Variants in CNTNAP2 observed in about 807,000 individuals in gnomAD.
The protein encoded by CNTNAP2 is contactin-associated protein-like 2.
CNTNAP2 carries 98 observed loss-of-function variants against 155.2 expected under a neutral mutation model. That is an observed-to-expected ratio of 0.63 (90% CI 0.54 to 0.75). The LOEUF (loss-of-function observed/expected upper bound fraction) is 0.75. Among genes scored for constraint, CNTNAP2 ranks in the 30% least tolerant of loss-of-function variants. The probability of loss-of-function intolerance (pLI) is 0.00; values close to 1 mark genes in which losing one functional copy is unlikely to be tolerated. For synonymous variants in CNTNAP2, 651 were observed against 631.2 expected (o/e 1.03, Z -0.47); for missense variants, 1,727 against 1,688.1 (o/e 1.02, Z -0.40).
intron 1 of CNTNAP2, among the ~76,000 whole-genome samples, chr7:146,644,913 C>G (rs549424600): frequency 6.6e-6 from 1 of 152,074 alleles, no homozygotes; most frequent in Non-Finnish European, 1.5e-5. Context: ...CAAGGAGGAA[C>G]TGGTACCATT....
At chr7:146,998,732 AATT>A (rs1369545086) in intron 3 of CNTNAP2, among the ~76,000 whole-genome samples, 2 of 151,930 alleles carry the variant, frequency 1.3e-5, no homozygotes, top group African/African-American at 4.8e-5. Flanking sequence ...ATATATTTAT[AATT>A]ATTATATCAT....
intron 23 of CNTNAP2, among the ~76,000 whole-genome samples, chr7:148,414,064 TTTTTTC>T (rs1799918205): frequency 6.7e-6 from 1 of 149,536 alleles, no homozygotes; most frequent in Non-Finnish European, 1.5e-5. Context: ...CATCCAGTAT[TTTTTTC>T]TTTTTCCATT....
At chr7:146,328,370 C>T (rs1347551056) in intron 1 of CNTNAP2, among the ~76,000 whole-genome samples, 1 of 152,026 alleles carries the variant, frequency 6.6e-6, no homozygotes, top group East Asian at 1.9e-4. Flanking sequence ...AATATCTTCT[C>T]CTTTGTTTTT....
intron 21 of CNTNAP2, among the ~76,000 whole-genome samples, chr7:148,280,642 G>A (rs1343823082): frequency 6.6e-6 from 1 of 152,126 alleles, no homozygotes; most frequent in Non-Finnish European, 1.5e-5. Flanking sequence ...TAAAAAGCCG[G>A]GCACGGTGGC....
At chr7:147,420,532 T>G (rs1797273141) in intron 10 of CNTNAP2, among the ~76,000 whole-genome samples, 1 of 152,182 alleles carries the variant, frequency 6.6e-6, no homozygotes, top group African/African-American at 2.4e-5. Flanking sequence ...AGTGCCATGG[T>G]ATTTGATACA....
intron 8 of CNTNAP2, among the ~76,000 whole-genome samples, chr7:147,183,329 A>G (rs1802504379): frequency 6.6e-6 from 1 of 152,226 alleles, no homozygotes; most frequent in South Asian, 2.1e-4. Flanking sequence ...AAATAAAGAG[A>G]TTAATCATAA....
intron 10 of CNTNAP2, among the ~76,000 whole-genome samples, chr7:147,478,723 C>T (rs183234455): frequency 6.6e-6 from 1 of 152,290 alleles, no homozygotes; most frequent in South Asian, 2.1e-4. Flanking sequence ...CATGGCACTT[C>T]CATTGCCTTC....
intron 20 of CNTNAP2, among the ~76,000 whole-genome samples, chr7:148,258,992 A>C (rs576874230): frequency 1.3e-5 from 2 of 151,868 alleles, no homozygotes; most frequent in South Asian, 4.2e-4. Flanking sequence ...CCTGGCCAAC[A>C]TGGTGAAACC....
At chr7:146,712,624 C>G (rs936766609) in intron 1 of CNTNAP2, among the ~76,000 whole-genome samples, 1 of 151,128 alleles carries the variant, frequency 6.6e-6, no homozygotes, top group Non-Finnish European at 1.5e-5. Context: ...TTCAAAAAAA[C>G]TAACCCCATG....
chr7:147,953,251 G>A (rs1415153493), intron 14 of CNTNAP2, among the ~76,000 whole-genome samples: 1 of 152,152 alleles, frequency 6.6e-6, no homozygotes, highest in Non-Finnish European at 1.5e-5. Context: ...CCTGAGAATA[G>A]TGTGTATTCT....
At chr7:146,777,106 A>G (rs1210342179) in intron 2 of CNTNAP2, among the ~76,000 whole-genome samples, 2 of 152,174 alleles carry the variant, frequency 1.3e-5, no homozygotes, top group African/African-American at 2.4e-5. Flanking sequence ...TGTGACCCAC[A>G]GTTCATCTCT....
chr7:146,238,755 C>G (rs531975910), intron 1 of CNTNAP2, among the ~76,000 whole-genome samples: 1 of 152,140 alleles, frequency 6.6e-6, no homozygotes, highest in African/African-American at 2.4e-5. Flanking sequence ...TTGAGCATGG[C>G]TGGGGAGGCC....
chr7:146,545,662 A>G (rs1261205514), intron 1 of CNTNAP2, among the ~76,000 whole-genome samples: 1 of 151,890 alleles, frequency 6.6e-6, no homozygotes, highest in East Asian at 1.9e-4. Context: ...CCCTGTGATC[A>G]TTAAAAAGTC....
At chr7:146,685,700 G>A (rs1367903945) in intron 1 of CNTNAP2, among the ~76,000 whole-genome samples, 1 of 151,124 alleles carries the variant, frequency 6.6e-6, no homozygotes, top group Non-Finnish European at 1.5e-5. Flanking sequence ...TGCAAAAGAT[G>A]GTTTAAAAAG....
At chr7:148,368,220 AG>A (rs1473356512) in intron 21 of CNTNAP2, among the ~76,000 whole-genome samples, 1 of 152,108 alleles carries the variant, frequency 6.6e-6, no homozygotes, top group Non-Finnish European at 1.5e-5. Context: ...ACCAATTCGC[AG>A]GGGGACACAT....
intron 21 of CNTNAP2, among the ~76,000 whole-genome samples, chr7:148,345,184 C>A (rs573318262): frequency 1.3e-5 from 2 of 152,172 alleles, no homozygotes; most frequent in South Asian, 2.1e-4. Context: ...GCGGGGTTCA[C>A]ATGGAGGAGA....
intron 21 of CNTNAP2, among the ~76,000 whole-genome samples, chr7:148,282,741 A>G (rs1173842605): frequency 2.6e-5 from 4 of 152,200 alleles, no homozygotes; most frequent in Non-Finnish European, 5.9e-5. Flanking sequence ...AATTAACAAA[A>G]GCAACCCCCA....
At chr7:148,071,662 C>T (rs1013534654) in intron 15 of CNTNAP2, among the ~76,000 whole-genome samples, 1 of 152,136 alleles carries the variant, frequency 6.6e-6, no homozygotes, top group African/African-American at 2.4e-5. Context: ...TGGCAACCTT[C>T]CTAAAAGGAA....
intron 1 of CNTNAP2, among the ~76,000 whole-genome samples, chr7:146,361,038 G>A (rs901849515): frequency 6.6e-6 from 1 of 152,130 alleles, no homozygotes; most frequent in Admixed American, 6.5e-5. Flanking sequence ...TATGTTAATT[G>A]CAAACATGTC....
Sources: allele counts gnomAD v4.1 joint callset (sites outside exome capture counted in the v4.1 genomes callset), GRCh38; gene constraint gnomAD v4.1.1; transcripts MANE v1.5; gene names NCBI Gene and HGNC (gene_info 2026-07-23, HGNC 2026-07-21).